The following RASGEF1C variants were observed in gnomAD, a reference collection of about 807,000 sequenced individuals.
The protein encoded by RASGEF1C is RasGEF domain family member 1C.
In RASGEF1C, 27 loss-of-function variants were observed where a neutral mutation model predicts 58.1. The ratio of observed to expected loss-of-function variants is 0.46; its 90% CI spans 0.34 to 0.64. The LOEUF (loss-of-function observed/expected upper bound fraction) is 0.64, where lower values mean the gene tolerates loss of function less well. Among genes scored for constraint, RASGEF1C ranks in the 30% least tolerant of loss-of-function variants. The pLI is 0.01. For missense variants in RASGEF1C, 502 were observed against 605.1 expected (o/e 0.83, Z 1.79); for synonymous variants, 243 against 246.3 (o/e 0.99, Z 0.13).
chr5:180,207,902 C>T (rs1756517613), intron 1 of RASGEF1C, among the ~76,000 whole-genome samples: 1 of 152,226 alleles, frequency 6.6e-6, no homozygotes, highest in Admixed American at 6.5e-5. Context: ...CCCCAGTCAC[C>T]CTACTGCATG....
At chr5:180,127,760 GC>G in intron 5 of RASGEF1C, 77 bp from the exon 6 acceptor site, 1 of 1,343,534 alleles carries the variant, frequency 7.4e-7, no homozygotes, top group Non-Finnish European at 1.0e-6. Flanking sequence ...CTGCCGTGGT[GC>G]CCCAGCCCCT....
intron 10 of RASGEF1C, among the ~76,000 whole-genome samples, chr5:180,115,968 G>A (rs1479810037): frequency 6.6e-6 from 1 of 152,098 alleles, no homozygotes; most frequent in Non-Finnish European, 1.5e-5. Context: ...TGTTGGAACA[G>A]GGAGACGCAC....
intron 10 of RASGEF1C, chr5:180,115,370 T>C (rs778241193): frequency 1.3e-4 from 51 of 391,734 alleles, no homozygotes; most frequent in Non-Finnish European, 2.2e-4. Flanking sequence ...GCACTTACTG[T>C]TAGACCAAAA....
chr5:180,136,901 C>CT, intron 3 of RASGEF1C: 1 of 212,804 alleles, frequency 4.7e-6, no homozygotes. Context: ...GGCCACGTGA[C>CT]CTAGGATACG....
intron 1 of RASGEF1C, among the ~76,000 whole-genome samples, chr5:180,189,215 AG>A (rs1756102225): frequency 1.3e-5 from 2 of 152,238 alleles, no homozygotes; most frequent in Non-Finnish European, 1.5e-5. Context: ...GAAACACTCA[AG>A]GCTGAATCTG....
intron 1 of RASGEF1C, among the ~76,000 whole-genome samples, chr5:180,142,892 C>CT (rs1766603419): frequency 6.6e-6 from 1 of 152,116 alleles, no homozygotes; most frequent in Non-Finnish European, 1.5e-5. Context: ...AGGCTGGGGG[C>CT]ACGTGCCCCC....
intron 1 of RASGEF1C, among the ~76,000 whole-genome samples, chr5:180,173,922 C>CACAA (rs1554114656): frequency 3.2e-5 from 4 of 126,012 alleles, no homozygotes; most frequent in African/African-American, 5.9e-5. Context: ...AAACAACCAC[C>CACAA]AAAAAAAAAA....
At chr5:180,149,078 C>CTT (rs1281032542) in intron 1 of RASGEF1C, among the ~76,000 whole-genome samples, 1 of 97,152 alleles carries the variant, frequency 1.0e-5, no homozygotes, top group Non-Finnish European at 2.0e-5. Context: ...TTTTTCTTTT[C>CTT]TTTTTTTTTC....
chr5:180,178,094 G>C (rs1376696898), intron 1 of RASGEF1C, among the ~76,000 whole-genome samples: 2 of 151,358 alleles, frequency 1.3e-5, no homozygotes, highest in Non-Finnish European at 2.9e-5. Context: ...AGCCTCCTGA[G>C]TAGCTGGGAC....
At chr5:180,179,533 T>C (rs1767287827) in intron 1 of RASGEF1C, among the ~76,000 whole-genome samples, 1 of 152,046 alleles carries the variant, frequency 6.6e-6, no homozygotes, top group Non-Finnish European at 1.5e-5. Flanking sequence ...ACCTTTGACC[T>C]CAGACCCAGC....
chr5:180,132,033 G>A (rs759884630), intron 4 of RASGEF1C, among the ~76,000 whole-genome samples: 1 of 152,182 alleles, frequency 6.6e-6, no homozygotes, highest in African/African-American at 2.4e-5. Context: ...CACACTCGTG[G>A]ATAGGAGCTT....
chr5:180,178,140 T>A (rs577263117), intron 1 of RASGEF1C, among the ~76,000 whole-genome samples: 1 of 150,946 alleles, frequency 6.6e-6, no homozygotes, highest in Admixed American at 6.6e-5. Flanking sequence ...CTAATTTTTT[T>A]TTTTTTTTTG....
chr5:180,173,861 T>C (rs554678942), intron 1 of RASGEF1C, among the ~76,000 whole-genome samples: 16 of 149,518 alleles, frequency 1.1e-4, no homozygotes, highest in South Asian at 6.3e-4. Flanking sequence ...TGCAGTGAGC[T>C]GAGATTGTGC....
chr5:180,118,809 G>A lies in RASGEF1C; in HGVS notation c.965C>T (p.Thr322Met), dbSNP rs376949886. 2.1e-5 allele frequency: 34 copies of A among 1,614,210 alleles called. No individual in the cohort carries two copies. The highest frequency in any genetic ancestry group is 4.5e-5 in the East Asian group (2 of 44,878). ...RLKKTWAKVR[T>M]AKFFILEHQM... ...TACCTCGAGGATGAAAAACTTGGCC[G>A]TCCTCACTTTGGCCCAGGTCTTCTT... The change falls in exon 9 of 14, where the codon ACG becomes ATG. Residue 322 changes from threonine (T) to methionine (M), a missense_variant. Transcript: ENST00000361132.
intron 1 of RASGEF1C, among the ~76,000 whole-genome samples, chr5:180,174,640 G>A (rs941716214): frequency 2.6e-5 from 4 of 152,086 alleles, no homozygotes; most frequent in African/African-American, 4.8e-5. Flanking sequence ...GTGTGTGTGC[G>A]TGCATGTGTG....
chr5:180,190,605 C>T (rs537104548), intron 1 of RASGEF1C, among the ~76,000 whole-genome samples: 2 of 115,998 alleles, frequency 1.7e-5, no homozygotes, highest in Non-Finnish European at 4.2e-5. Flanking sequence ...CTGAGCAAGG[C>T]TGCAGTGAGC....
rs7723989 is a variant in RASGEF1C, at chr5:180,209,013, C to T, written c.-7+15G>A. The T allele has an allele frequency of 0.18, 26,100 of 146,726 alleles. 2,887 individuals carry two copies. The highest frequency in any genetic ancestry group is 0.3 in the African/African-American group (12,217 of 40,662). 9.1% of individuals were successfully genotyped at this position (146,726 alleles called of 1,614,324 possible). On this transcript the variant is annotated intron_variant, in intron 1 of 13. Transcript: ENST00000361132. ...GCCCGCACCGCCAGGTGTCCCTCGG[C>T]CGCGCACCACTCACCGGCTCCCGGC...
chr5:180,114,023 T>C (rs1766022610), intron 11 of RASGEF1C, among the ~76,000 whole-genome samples: 1 of 152,130 alleles, frequency 6.6e-6, no homozygotes, highest in African/African-American at 2.4e-5. Context: ...AGCAGAATTC[T>C]TTCTTTTCTG....
At chr5:180,182,443 C>T (rs916509868) in intron 1 of RASGEF1C, among the ~76,000 whole-genome samples, 1 of 152,146 alleles carries the variant, frequency 6.6e-6, no homozygotes. Flanking sequence ...AACTCAGCTT[C>T]CACAGCTGGA....
Sources: gnomAD v4.1 joint callset for allele counts (sites outside exome capture counted in the v4.1 genomes callset) on GRCh38, gnomAD v4.1.1 for gene constraint, MANE v1.5 for transcripts, NCBI Gene and HGNC (gene_info 2026-07-23, HGNC 2026-07-21) for gene names.